The following ROCK1 variants were observed in gnomAD, a reference collection of about 807,000 sequenced individuals.
ROCK1 encodes rho-associated protein kinase 1.
A neutral mutation model predicts 196.8 loss-of-function variants in ROCK1; 36 were observed. The ratio of observed to expected loss-of-function variants is 0.18; its 90% CI spans 0.14 to 0.24. ROCK1 has a LOEUF of 0.24. Ranked by LOEUF, ROCK1 falls within the 10% of genes least tolerant of loss-of-function variation. The pLI is 1.00. For missense variants in ROCK1, 920 were observed against 1,562.0 expected (o/e 0.59, Z 6.93); for synonymous variants, 443 against 515.9 (o/e 0.86, Z 1.91).
chr18:20,991,270 C>G lies in ROCK1; in HGVS notation c.2049G>C (p.Arg683=). 6.2e-7 allele frequency: 1 copy of G among 1,606,776 alleles called. No individual in the cohort carries two copies. Among genetic ancestry groups the G allele is most frequent in the Non-Finnish European group, 8.5e-7 (1 of 1,175,158 alleles). Residue 683 remains arginine, a synonymous_variant, in exon 18 of 33, where the codon CGG becomes CGC. Coordinates refer to ENST00000399799, the MANE Select transcript of ROCK1 (RefSeq NM_005406.3). ...TGTGTTCATTTACCTCTTGTTCTAA[C>G]CGTTGTTGTAATGATTTAAGTTTGT... ...LNYKLKSLQQ[R]LEQEVNEHKV...
Position 21,021,566 on chromosome 18 carries a change from T to C in ROCK1, c.1273-1327A>G, listed in dbSNP as rs1274240845. On this transcript the variant is annotated intron_variant, in intron 11 of 32. Coordinates refer to ENST00000399799, the MANE Select transcript of ROCK1 (RefSeq NM_005406.3). ...CAAAGAAGAAAAATAAGATATGGGC[T>C]GAAAATCATCCACTGTATTTGGCAA... Among the ~76,000 whole-genome samples, 8 of 152,210 alleles carry C rather than the reference T, an allele frequency of 5.3e-5. No individual in the cohort carries two copies. The East Asian group carries it at 1.3e-3, about 26-fold the overall frequency.
intron 10 of ROCK1, among the ~76,000 whole-genome samples, chr18:21,028,146 G>A (rs1326007618): frequency 8.6e-5 from 13 of 150,664 alleles, no homozygotes; most frequent in African/African-American, 1.5e-4. Context: ...GGCCAGGCAC[G>A]GTGGGTCACG....
At chr18:21,070,378 A>C (rs569143650) in intron 2 of ROCK1, among the ~76,000 whole-genome samples, 154 bp downstream of exon 2, 1 of 152,256 alleles carries the variant, frequency 6.6e-6, no homozygotes, top group Non-Finnish European at 1.5e-5. Flanking sequence ...CAGGCATCCA[A>C]ATTGTTTCTT....
At position 20,970,488 on chromosome 18, in the gene ROCK1, G is replaced by C; in HGVS notation, c.2680C>G (p.Leu894Val). The change falls in exon 23 of 33, where the codon CTA (leucine) becomes GTA (valine). Residue 894 changes from leucine (L) to valine (V), a missense_variant. Around this residue, in one of 6 missense-constraint regions of ROCK1, gnomAD observed 520 missense variants for 657.1 expected, o/e 0.79. Transcript: ENST00000399799. ...EKETLATQLD[L>V]AETKAESEQL... is the part of the protein sequence containing the mutation. The stretch of plus-strand genomic sequence containing the variant: ...TCAGACTCAGCTTTTGTTTCTGCTA[G>C]ATCCAACTGAGTAGCAAGAGTTTCT... 1 of 1,610,964 alleles carries C rather than the reference G, an allele frequency of 6.2e-7. No individual in the cohort carries two copies. The highest frequency in any genetic ancestry group is 1.7e-5 in the Admixed American group (1 of 59,822).
At chr18:21,045,029 T>G (rs867905742) in intron 5 of ROCK1, 5,902 of 182,106 alleles carry the variant, frequency 0.032, 219 homozygotes, top group Admixed American at 0.13. Context: ...CCTGTGTTTT[T>G]TTTTTTTTTT....
intron 29 of ROCK1, among the ~76,000 whole-genome samples, chr18:20,957,167 TACC>T (rs1269485759): frequency 2.0e-5 from 3 of 152,242 alleles, no homozygotes; most frequent in African/African-American, 7.2e-5. Flanking sequence ...CCTGGGTATT[TACC>T]CATGAGAAAT....
intron 13 of ROCK1, among the ~76,000 whole-genome samples, chr18:21,015,163 T>C (rs1598528611): frequency 6.6e-6 from 1 of 152,192 alleles, no homozygotes; most frequent in Admixed American, 6.5e-5. Context: ...GGCTCCTTTC[T>C]CACATTTCAA....
intron 12 of ROCK1, 34 bp downstream of exon 12, chr18:21,020,117 C>G (rs761176752): frequency 1.5e-6 from 2 of 1,331,852 alleles, no homozygotes; most frequent in South Asian, 1.2e-5. Context: ...GTATATAAAA[C>G]TTTTAATATG....
At chr18:21,000,345 C>T (rs1428492346) in intron 16 of ROCK1, among the ~76,000 whole-genome samples, 3 of 152,026 alleles carry the variant, frequency 2.0e-5, no homozygotes, top group Non-Finnish European at 2.9e-5. Context: ...TCACTGCAAC[C>T]GCTGCCTCCC....
chr18:21,111,769 T>C lies in ROCK1; in HGVS notation c.-859A>G, dbSNP rs560252434. On this transcript the variant is annotated 5_prime_UTR_variant, in exon 1 of 33. Coordinates refer to ENST00000399799, the MANE Select transcript of ROCK1 (RefSeq NM_005406.3). The surrounding 1 kb of genome is among the most constrained non-coding windows in gnomAD (Gnocchi z 4.2). The stretch of plus-strand genomic sequence containing the variant: ...CGAGGGGGGCTGAGAGGGACTAATA[T>C]GTCCGCCTTCCTGTTCAAACAAACG... 1 of 152,316 alleles carries C rather than the reference T, an allele frequency of 6.6e-6. No individual in the cohort carries two copies. Among genetic ancestry groups the C allele is most frequent in the African/African-American group, 2.4e-5 (1 of 41,488 alleles). The allele number at this position is 152,316 out of a possible 1,614,324, so 9.4% of individuals were successfully genotyped here.
At chr18:21,049,395 T>C (rs2036186149) in intron 3 of ROCK1, among the ~76,000 whole-genome samples, 166 bp from the exon 4 acceptor site, 2 of 152,234 alleles carry the variant, frequency 1.3e-5, no homozygotes, top group Non-Finnish European at 2.9e-5. Context: ...AAGTAGCTAA[T>C]GTCAAGACTT....
At chr18:21,075,123 G>A (rs939418228) in intron 1 of ROCK1, among the ~76,000 whole-genome samples, 15 of 152,294 alleles carry the variant, frequency 9.8e-5, no homozygotes, top group South Asian at 6.2e-4. Context: ...TTCTGCGGGG[G>A]AGAAAGTGGC....
chr18:21,081,439 A>G (rs568741855), intron 1 of ROCK1, among the ~76,000 whole-genome samples: 4 of 152,240 alleles, frequency 2.6e-5, no homozygotes, highest in African/African-American at 9.6e-5. Flanking sequence ...AATAAAAATA[A>G]CCTAACTTAA....
At chr18:21,092,580 TAAAAAAAAAAAA>T (rs35799573) in intron 1 of ROCK1, among the ~76,000 whole-genome samples, 7 of 81,142 alleles carry the variant, frequency 8.6e-5, no homozygotes, top group Admixed American at 6.4e-4. Context: ...ACCTCATCTT[TAAAAAAAAAAAA>T]AAAAAAAAAA....
At position 20,959,042 on chromosome 18, in the gene ROCK1, T is replaced by A. The variant is rs1445663360; in HGVS notation, c.3512+798A>T. ...TATATAATATATATATTTTATATAA[T>A]ATATAATATATATATTATATTTTAT... is the stretch of plus-strand genomic sequence containing the variant. On this transcript the variant is annotated intron_variant, in intron 29 of 32. Transcript: ENST00000399799. Among the ~76,000 whole-genome samples the A allele has an allele frequency of 1.1e-3, 58 of 55,014 alleles. 1 individual carries two copies. The highest frequency in any genetic ancestry group is 8.8e-3 in the African/African-American group (50 of 5,688). 36.1% of individuals were successfully genotyped at this position (55,014 alleles called of 152,430 possible). A position where few individuals can be genotyped will look rare whatever the true frequency, so the allele number is the denominator to read the frequency against.
At position 21,042,611 on chromosome 18, in the gene ROCK1, T is replaced by C. The variant is rs778302279; in HGVS notation, c.774A>G (p.Glu258=). 2 of 1,614,004 alleles carry C rather than the reference T, an allele frequency of 1.2e-6. No homozygotes were observed. The highest frequency in any genetic ancestry group is 2.2e-5 in the South Asian group (2 of 91,068). Residue 258 remains glutamate, a synonymous_variant, in exon 7 of 33, where the codon GAA becomes GAG. Coordinates refer to ENST00000399799, the MANE Select transcript of ROCK1 (RefSeq NM_005406.3). ...SQGGDGYYGR[E]CDWWSVGVFL... is the part of the protein sequence containing the mutation. ...ATACCCCAACCGACCACCAGTCACATTCTCTTCCATAATAACCATCACCAC... is the reference window on the plus strand; with the variant it reads ...ATACCCCAACCGACCACCAGTCACACTCTCTTCCATAATAACCATCACCAC...
At chr18:21,012,846 G>C (rs936332175) in intron 13 of ROCK1, among the ~76,000 whole-genome samples, 1 of 152,072 alleles carries the variant, frequency 6.6e-6, no homozygotes. Flanking sequence ...CTGTTGTTCA[G>C]ACTGCATAAT....
chr18:21,044,205 A>ACT lies in ROCK1; in HGVS notation c.591-20_591-19insAG. Reference sequence around the variant, plus strand: ...CACATCTCTGCAGGAGGGAAAAAATAGTACAGTATTTTCTGAAACAGATTA... The same window carrying ACT: ...CACATCTCTGCAGGAGGGAAAAAATACTGTACAGTATTTTCTGAAACAGATTA... On this transcript the variant is annotated intron_variant, in intron 5 of 32. Transcript: ENST00000399799. The ACT allele has an allele frequency of 2.5e-6, 4 of 1,571,508 alleles. No individual in the cohort carries two copies. Among genetic ancestry groups the ACT allele is most frequent in the Non-Finnish European group, 3.5e-6 (4 of 1,147,534 alleles).
intron 16 of ROCK1, among the ~76,000 whole-genome samples, chr18:21,004,411 A>G (rs943229921): frequency 6.6e-6 from 1 of 152,210 alleles, no homozygotes; most frequent in African/African-American, 2.4e-5. Context: ...ATGCACTTTT[A>G]TATGTATGTT....
Sources: allele counts gnomAD v4.1 joint callset (sites outside exome capture counted in the v4.1 genomes callset), GRCh38; gene constraint gnomAD v4.1.1; regional missense constraint gnomAD v4.1.1; non-coding constraint Gnocchi (gnomAD v3.1); transcripts MANE v1.5; gene names NCBI Gene and HGNC (gene_info 2026-07-23, HGNC 2026-07-21).